GSTO1: variants seen among roughly 807,000 people sequenced by gnomAD.
GSTO1 encodes the protein glutathione S-transferase omega 1.
Under a neutral mutation model 23.8 loss-of-function variants are expected in GSTO1, and 27 were observed. The ratio of observed to expected loss-of-function variants is 1.13; its 90% CI spans 0.83 to 1.56. GSTO1 has a LOEUF of 1.56. Among genes scored for constraint, GSTO1 ranks in the 40% most tolerant of loss-of-function variants. The probability of loss-of-function intolerance (pLI) is 0.00; values close to 1 mark genes in which losing one functional copy is unlikely to be tolerated. For missense variants in GSTO1, 255 were observed against 285.8 expected (o/e 0.89, Z 0.78); for synonymous variants, 105 against 109.3 (o/e 0.96, Z 0.25).
At chr10:104,263,388 A>G (rs747803230) in intron 4 of GSTO1, among the ~76,000 whole-genome samples, 52 of 152,184 alleles carry the variant, frequency 3.4e-4, no homozygotes, top group Non-Finnish European at 6.9e-4. Context: ...CCAGTTTTCC[A>G]TGCTTGTTTG....
intron 2 of GSTO1, 67 bp from the exon 3 acceptor site, chr10:104,259,509 A>G: frequency 1.0e-6 from 1 of 967,710 alleles, no homozygotes. Context: ...TGGCAAAGCC[A>G]GTGAGAATTT....
At position 104,261,444 on chromosome 10, in the gene GSTO1, T is replaced by G. The variant is rs1168022815; in HGVS notation, c.367-1535T>G. ...ACCCCACACACCTGGGCCAGTTATC[T>G]TCTCTCCTGGGAACTTGGAAATGAG... On this transcript the variant is annotated intron_variant, in intron 3 of 5. Transcript: ENST00000369713. Among the ~76,000 whole-genome samples the G allele has an allele frequency of 3.9e-5, 6 of 152,150 alleles. No homozygotes were observed. In the East Asian group the frequency reaches 1.2e-3, roughly 29 times the overall value.
At chr10:104,262,500 CAGG>C (rs974799432) in intron 3 of GSTO1, among the ~76,000 whole-genome samples, 4 of 152,172 alleles carry the variant, frequency 2.6e-5, no homozygotes, top group Admixed American at 1.3e-4. Flanking sequence ...CACCTGAGGT[CAGG>C]AGTTTTCAGA....
chr10:104,266,832 C>T (rs2011194028), intron 5 of GSTO1, among the ~76,000 whole-genome samples: 1 of 152,154 alleles, frequency 6.6e-6, no homozygotes, highest in African/African-American at 2.4e-5. Flanking sequence ...AAGATTTCCA[C>T]ATTATTTTCC....
In GSTO1 at chr10:104,259,763, G is replaced by A; in HGVS notation, c.331G>A (p.Ala111Thr). The A allele has an allele frequency of 1.9e-6, 3 of 1,613,646 alleles. No homozygotes were observed. Among genetic ancestry groups the A allele is most frequent in the Non-Finnish European group, 2.5e-6 (3 of 1,179,532 alleles). The stretch of plus-strand genomic sequence containing the variant: ...GTTGCCGGATGACCCCTATGAGAAA[G>A]CTTGCCAGAAGATGATCTTAGAGTT... Reference protein sequence around the residue: ...KLLPDDPYEKACQKMILELFS... With the variant: ...KLLPDDPYEKTCQKMILELFS... Residue 111 changes from alanine (A) to threonine (T), a missense_variant, in exon 3 of 6, where the codon GCT becomes ACT. By Grantham distance (58) the Ala-to-Thr change is moderately conservative. Coordinates refer to ENST00000369713, the MANE Select transcript of GSTO1 (RefSeq NM_004832.3).
rs1034395177 is a variant in GSTO1 at position 104,267,124 on chromosome 10, T to A, written c.573-128T>A. The A allele has an allele frequency of 9.6e-5, 54 of 565,052 alleles. 1 individual carries two copies. Among genetic ancestry groups the A allele is most frequent in the Admixed American group, 5.1e-4 (15 of 29,148 alleles). 35.0% of individuals were successfully genotyped at this position (565,052 alleles called of 1,614,324 possible). A position where few individuals can be genotyped will look rare whatever the true frequency, so the allele number is the denominator to read the frequency against. On this transcript the variant is annotated intron_variant, in intron 5 of 5. Coordinates refer to ENST00000369713, the MANE Select transcript of GSTO1 (RefSeq NM_004832.3). ...TTGAATATTCTATTACAGGCATTTT[T>A]AAATATTTTTAATGAAATATTTAAG... is the stretch of plus-strand genomic sequence containing the variant.
At chr10:104,259,014 T>C (rs1351461698) in intron 2 of GSTO1, among the ~76,000 whole-genome samples, 1 of 152,144 alleles carries the variant, frequency 6.6e-6, no homozygotes, top group Non-Finnish European at 1.5e-5. Flanking sequence ...TTAGCAAGGA[T>C]GTGTAGAAAT....
chr10:104,267,140 A>C, intron 5 of GSTO1, 112 bp from the exon 6 acceptor site: 1 of 603,340 alleles, frequency 1.7e-6, no homozygotes, highest in East Asian at 2.9e-5. Context: ...TTTTTAATGA[A>C]ATATTTAAGG....
chr10:104,266,879 C>G (rs927245845), intron 5 of GSTO1, among the ~76,000 whole-genome samples: 2 of 152,180 alleles, frequency 1.3e-5, no homozygotes, highest in Non-Finnish European at 2.9e-5. Flanking sequence ...CCTTGCCTTA[C>G]TCCGGCTTCT....
intron 3 of GSTO1, 79 bp from the exon 4 acceptor site, chr10:104,262,900 G>C: frequency 1.5e-6 from 1 of 680,124 alleles, no homozygotes; most frequent in Non-Finnish European, 2.6e-6. Flanking sequence ...GGACTGTAAG[G>C]GTTCTACCAT....
At chr10:104,255,369 A>G (rs2091598254) in intron 2 of GSTO1, 98 bp downstream of exon 2, 1 of 738,694 alleles carries the variant, frequency 1.4e-6, no homozygotes, top group Non-Finnish European at 2.4e-6. Flanking sequence ...CCCCCCTCCC[A>G]CCAGCGTCCT....
At chr10:104,263,748 G>A (rs557388453) in intron 4 of GSTO1, among the ~76,000 whole-genome samples, 1 of 151,986 alleles carries the variant, frequency 6.6e-6, no homozygotes, top group East Asian at 1.9e-4. Flanking sequence ...AGGTTTTTCA[G>A]AAACCTTTTT....
At chr10:104,264,398 A>G (rs1303949938) in intron 4 of GSTO1, among the ~76,000 whole-genome samples, 2 of 152,220 alleles carry the variant, frequency 1.3e-5, no homozygotes, top group Non-Finnish European at 2.9e-5. Flanking sequence ...CAGTAGGTAG[A>G]TATAAGCAAT....
intron 3 of GSTO1, among the ~76,000 whole-genome samples, chr10:104,261,377 C>A (rs2011138667): frequency 6.6e-6 from 1 of 152,142 alleles, no homozygotes; most frequent in African/African-American, 2.4e-5. Flanking sequence ...ACATATGACC[C>A]TGCTCTCCTG....
chr10:104,262,929 C>T (rs188381102), intron 3 of GSTO1, 50 bp from the exon 4 acceptor site: 56 of 795,588 alleles, frequency 7.0e-5, no homozygotes, highest in Middle Eastern at 2.5e-4. Context: ...GTGAGGGGGC[C>T]GATACAGTTA....
chr10:104,258,006 C>T (rs2011109322), intron 2 of GSTO1, among the ~76,000 whole-genome samples: 2 of 152,224 alleles, frequency 1.3e-5, no homozygotes, highest in Admixed American at 1.3e-4. Context: ...AAGATCCCAC[C>T]TTTCGTGAAG....
At chr10:104,263,690 C>T (rs2011156981) in intron 4 of GSTO1, among the ~76,000 whole-genome samples, 1 of 152,158 alleles carries the variant, frequency 6.6e-6, no homozygotes, top group African/African-American at 2.4e-5. Context: ...TCCTGTCTTT[C>T]ATGGGAATGC....
At chr10:104,261,694 G>A (rs1436600058) in intron 3 of GSTO1, among the ~76,000 whole-genome samples, 1 of 152,182 alleles carries the variant, frequency 6.6e-6, no homozygotes, top group East Asian at 1.9e-4. Context: ...TGGAAATGTG[G>A]ATGAAAGGGC....
At position 104,259,744 on chromosome 10, in the gene GSTO1, G is replaced by T. The variant is rs781651960; in HGVS notation, c.312G>T (p.Pro104=). 6.2e-7 allele frequency: 1 copy of T among 1,613,882 alleles called. No individual in the cohort carries two copies. The highest frequency in any genetic ancestry group is 1.7e-5 in the Admixed American group (1 of 60,026). Residue 104 remains proline, a synonymous_variant, in exon 3 of 6, where the codon CCG becomes CCT. Coordinates refer to ENST00000369713, the MANE Select transcript of GSTO1 (RefSeq NM_004832.3). The part of the protein sequence containing the change: ...DEAYPGKKLL[P]DDPYEKACQK... Reference sequence around the variant, plus strand: ...CATACCCAGGGAAGAAGCTGTTGCCGGATGACCCCTATGAGAAAGCTTGCC... The same window carrying T: ...CATACCCAGGGAAGAAGCTGTTGCCTGATGACCCCTATGAGAAAGCTTGCC...
Sources: gnomAD v4.1 joint callset for allele counts (sites outside exome capture counted in the v4.1 genomes callset) on GRCh38, gnomAD v4.1.1 for gene constraint, MANE v1.5 for transcripts, NCBI Gene and HGNC (gene_info 2026-07-23, HGNC 2026-07-21) for gene names.